STYX: variants seen among roughly 807,000 people sequenced by gnomAD.
STYX encodes serine/threonine/tyrosine interacting protein.
In STYX, 20 loss-of-function variants were observed where a neutral mutation model predicts 42.7. The ratio of observed to expected loss-of-function variants is 0.47; its 90% CI spans 0.33 to 0.68. The LOEUF (loss-of-function observed/expected upper bound fraction) is 0.68. STYX is among the 30% of genes least tolerant of loss of function. The probability of loss-of-function intolerance (pLI) is 0.02; values close to 1 mark genes in which losing one functional copy is unlikely to be tolerated. For synonymous variants in STYX, 78 were observed against 81.9 expected, an observed-to-expected ratio of 0.95 and a Z score of 0.26; for missense variants, 226 against 268.5, an observed-to-expected ratio of 0.84 and a Z score of 1.11.
At chr14:52,754,746 T>A (rs1881784134) in intron 4 of STYX, among the ~76,000 whole-genome samples, 1 of 152,182 alleles carries the variant, frequency 6.6e-6, no homozygotes, top group East Asian at 1.9e-4. Flanking sequence ...GTGAAACTAA[T>A]CTTAAGAAAA....
intron 1 of STYX, among the ~76,000 whole-genome samples, chr14:52,735,006 G>A (rs1395631883): frequency 2.0e-5 from 3 of 151,456 alleles, no homozygotes; most frequent in African/African-American, 7.3e-5. Context: ...GCAGTGAGCC[G>A]AGATCTAGCC....
chr14:52,733,702 G>A (rs1880827828), intron 1 of STYX, among the ~76,000 whole-genome samples: 1 of 152,172 alleles, frequency 6.6e-6, no homozygotes, highest in African/African-American at 2.4e-5. Context: ...ATAGGGCAAG[G>A]TATGGGGGAA....
At chr14:52,751,374 A>G (rs761932539) in intron 4 of STYX, among the ~76,000 whole-genome samples, 13 of 152,170 alleles carry the variant, frequency 8.5e-5, no homozygotes, top group Non-Finnish European at 1.6e-4. Context: ...ACTAATATGT[A>G]TAGCATATAG....
chr14:52,753,241 C>A (rs1371312752), intron 4 of STYX, among the ~76,000 whole-genome samples: 1 of 151,552 alleles, frequency 6.6e-6, no homozygotes, highest in Non-Finnish European at 1.5e-5. Context: ...TTAGTAGAGA[C>A]GGGGTTTCAG....
At chr14:52,763,285 A>C (rs1304316559) in intron 9 of STYX, among the ~76,000 whole-genome samples, 1 of 152,170 alleles carries the variant, frequency 6.6e-6, no homozygotes. Context: ...CATAGAATTA[A>C]GGAAAATAAT....
intron 4 of STYX, among the ~76,000 whole-genome samples, chr14:52,755,130 T>TTG (rs1881807877): frequency 6.6e-6 from 1 of 150,534 alleles, no homozygotes; most frequent in African/African-American, 2.5e-5. Flanking sequence ...TGTTTTTTTT[T>TTG]TTTTGTTTTT....
chr14:52,771,092 G>T lies in STYX; in HGVS notation c.658G>T (p.Ala220Ser). ...DDFGTMQVAT[A>S]QNG ...TTTTGGAACCATGCAAGTGGCGACT[G>T]CACAGAATGGCTGACTTGAAGAGCA... The change falls in exon 11 of 11, where the codon GCA becomes TCA. Residue 220 changes from alanine to serine, a missense_variant. Physicochemically the swap from Ala to Ser is moderately conservative, Grantham distance 99. Transcript: ENST00000354586. 1.2e-6 allele frequency: 2 copies of T among 1,609,710 alleles called. No homozygotes were observed.
intron 9 of STYX, among the ~76,000 whole-genome samples, chr14:52,763,976 C>G (rs1882200014): frequency 6.6e-6 from 1 of 151,922 alleles, no homozygotes; most frequent in Non-Finnish European, 1.5e-5. Context: ...TAGTTGTACC[C>G]TGTTTAAATT....
At chr14:52,769,883 C>T (rs1354652364) in intron 10 of STYX, among the ~76,000 whole-genome samples, 5 of 152,192 alleles carry the variant, frequency 3.3e-5, no homozygotes, top group Admixed American at 6.5e-5. Context: ...GCCAAAGCCT[C>T]CTTTGGCTTC....
intron 9 of STYX, among the ~76,000 whole-genome samples, chr14:52,761,566 GTTTTTT>G (rs539782412): frequency 9.9e-6 from 1 of 100,832 alleles, no homozygotes; most frequent in Non-Finnish European, 1.9e-5. Flanking sequence ...GTAGCCAAAA[GTTTTTT>G]TTTTTTTTTT....
chr14:52,763,228 A>C (rs1882169915), intron 9 of STYX, among the ~76,000 whole-genome samples: 1 of 151,990 alleles, frequency 6.6e-6, no homozygotes, highest in Admixed American at 6.6e-5. Context: ...GTCACTTTGG[A>C]TGTATTTATG....
intron 3 of STYX, among the ~76,000 whole-genome samples, chr14:52,746,772 C>T (rs1881411631): frequency 2.0e-5 from 3 of 152,194 alleles, no homozygotes; most frequent in Admixed American, 2.0e-4. Context: ...CACTAGACAT[C>T]TGTAATTGCT....
chr14:52,763,973 A>T (rs1432417791), intron 9 of STYX, among the ~76,000 whole-genome samples: 1 of 151,778 alleles, frequency 6.6e-6, no homozygotes, highest in Non-Finnish European at 1.5e-5. Flanking sequence ...TTTTAGTTGT[A>T]CCCTGTTTAA....
intron 3 of STYX, 81 bp from the exon 4 acceptor site, chr14:52,750,602 C>T: frequency 1.1e-6 from 1 of 920,488 alleles, no homozygotes; most frequent in South Asian, 1.6e-5. Context: ...TTTCAAACAT[C>T]TGTGTTATAT....
chr14:52,759,574 C>A, intron 8 of STYX, 108 bp from the exon 9 acceptor site: 1 of 751,948 alleles, frequency 1.3e-6, no homozygotes. Context: ...TTAATCTCAT[C>A]ATGCTTTTTC....
chr14:52,753,048 T>TA (rs1451250651), intron 4 of STYX, among the ~76,000 whole-genome samples: 2 of 96,016 alleles, frequency 2.1e-5, no homozygotes, highest in African/African-American at 3.7e-5. Flanking sequence ...ACCCAGCTAA[T>TA]TTTTTTTTTT....
intron 1 of STYX, among the ~76,000 whole-genome samples, chr14:52,730,915 CA>C (rs1467306724): frequency 6.6e-6 from 1 of 152,302 alleles, no homozygotes. Context: ...CACATGGCCC[CA>C]CATGTGAAAT....
At chr14:52,759,209 G>A (rs1177221340) in intron 8 of STYX, among the ~76,000 whole-genome samples, 2 of 152,164 alleles carry the variant, frequency 1.3e-5, no homozygotes, top group Admixed American at 1.3e-4. Flanking sequence ...TGTAGTCTCA[G>A]ACTTGAGGAC....
chr14:52,758,183 C>T (rs1050283508), intron 8 of STYX, among the ~76,000 whole-genome samples: 2 of 152,150 alleles, frequency 1.3e-5, no homozygotes, highest in Non-Finnish European at 2.9e-5. Context: ...TATAAAAACT[C>T]GTGACCACAA....
Sources: gnomAD v4.1 joint callset for allele counts (sites outside exome capture counted in the v4.1 genomes callset) on GRCh38, gnomAD v4.1.1 for gene constraint, MANE v1.5 for transcripts, NCBI Gene and HGNC (gene_info 2026-07-23, HGNC 2026-07-21) for gene names.